Variants in FER1L5 observed in about 807,000 individuals in gnomAD.
The protein encoded by FER1L5 is fer-1 like family member 5.
In FER1L5, 187 loss-of-function variants were observed where a neutral mutation model predicts 279.9. The ratio of observed to expected loss-of-function variants is 0.67; its 90% confidence interval spans 0.59 to 0.75. The LOEUF is 0.75. Among genes scored for constraint, FER1L5 ranks in the 30% least tolerant of loss-of-function variants. The pLI is 0.00. For missense variants in FER1L5, 2,091 were observed against 2,594.4 expected, an observed-to-expected ratio of 0.81 and a Z score of 4.21; for synonymous variants, 921 against 989.7, an observed-to-expected ratio of 0.93 and a Z score of 1.30.
At position 96,663,513 on chromosome 2, in the gene FER1L5, G is replaced by A. The variant is rs2076023493; in HGVS notation, c.1140+6G>A. ...TCCTGACCTTCCGGATTCAGGTATG[G>A]CTCCTCCATCATGCCCACCCTTCTC... On this transcript the variant is annotated splice_donor_region_variant and intron_variant, in intron 14 of 52. Transcript: ENST00000624922. 1.3e-6 allele frequency: 2 copies of A among 1,551,306 alleles called. No homozygotes were observed. The highest frequency in any genetic ancestry group is 2.0e-5 in the Admixed American group (1 of 50,956).
rs11677722 is a variant in FER1L5, at chr2:96,659,627, G to C, written c.748-714G>C. Among the ~76,000 whole-genome samples the C allele has an allele frequency of 9.6e-4, 144 of 149,476 alleles. 1 individual carries two copies. The East Asian group carries it at 0.017, about 18-fold the overall frequency. On this transcript the variant is annotated intron_variant, in intron 9 of 52. Coordinates refer to ENST00000624922, the MANE Select transcript of FER1L5 (RefSeq NM_001293083.2). Reference sequence around the variant, plus strand: ...CTGCCTGAACCTCCCTAGTAGCTGAGACTACAGGGGCCCGCCACCACGCCC... The same window carrying C: ...CTGCCTGAACCTCCCTAGTAGCTGACACTACAGGGGCCCGCCACCACGCCC...
Position 96,702,154 on chromosome 2 carries a change from G to A in FER1L5, c.5159+111G>A. 1 of 1,569,018 alleles carries A rather than the reference G, an allele frequency of 6.4e-7. No homozygotes were observed. The highest frequency in any genetic ancestry group is 2.3e-5 in the East Asian group (1 of 44,240). ...CTGCAGTAATTCGTTTCTCTATTGG[G>A]AAGAGAGGAAGCTCTACTGGGAGCT... On this transcript the variant is annotated intron_variant, in intron 46 of 52. Transcript: ENST00000624922. The surrounding 1 kb of genome is among the most constrained non-coding windows in gnomAD (Gnocchi z 4.0).
intron 31 of FER1L5, among the ~76,000 whole-genome samples, chr2:96,692,383 G>A (rs1350387750): frequency 2.0e-5 from 3 of 152,194 alleles, no homozygotes; most frequent in Non-Finnish European, 4.4e-5. Flanking sequence ...CATGGATGAG[G>A]GTGACAAAGA....
chr2:96,668,634 G>A, intron 14 of FER1L5, 117 bp from the exon 15 acceptor site: 1 of 1,206,342 alleles, frequency 8.3e-7, no homozygotes. Flanking sequence ...GTGGCTCACT[G>A]GTAACTGAGC....
chr2:96,701,025 T>G (rs1240591863), intron 45 of FER1L5, among the ~76,000 whole-genome samples: 1 of 152,126 alleles, frequency 6.6e-6, no homozygotes, highest in Non-Finnish European at 1.5e-5. Flanking sequence ...AAAAAACCAT[T>G]CCCACAGGCC....
intron 51 of FER1L5, 26 bp downstream of exon 51, chr2:96,703,658 C>G (rs753025591): frequency 6.2e-7 from 1 of 1,607,712 alleles, no homozygotes; most frequent in Non-Finnish European, 8.5e-7. Flanking sequence ...GCAAAAGCAC[C>G]AGATCTTTCT....
intron 14 of FER1L5, among the ~76,000 whole-genome samples, chr2:96,667,347 CTTTTT>C (rs551114241): frequency 7.2e-6 from 1 of 139,132 alleles, no homozygotes. Flanking sequence ...ATTATTTATT[CTTTTT>C]TTTTTTTTTT....
chr2:96,669,981 T>A, intron 17 of FER1L5, 138 bp from the exon 18 acceptor site: 1 of 1,184,038 alleles, frequency 8.4e-7, no homozygotes, highest in Non-Finnish European at 1.2e-6. Flanking sequence ...CTGGAATTCT[T>A]CTCCGGGATT....
At position 96,689,876 on chromosome 2, in the gene FER1L5, G is replaced by A. The variant is rs11890388; in HGVS notation, c.2640+118G>A. On this transcript the variant is annotated intron_variant, in intron 26 of 52. Coordinates refer to ENST00000624922, the MANE Select transcript of FER1L5 (RefSeq NM_001293083.2). The surrounding 1 kb of genome is among the most constrained non-coding windows in gnomAD (Gnocchi z 4.6). ...GAGCCCTATGCCCTGCACTATGTGT[G>A]GGGCCCCGGGTGAGCGCACCAGCCC... 4,990 of 840,676 alleles carry A rather than the reference G, an allele frequency of 5.9e-3. 191 individuals carry two copies. In the African/African-American group the frequency reaches 0.076, roughly 13 times the overall value. 52.1% of individuals were successfully genotyped at this position (840,676 alleles called of 1,614,324 possible).
Position 96,669,148 on chromosome 2 carries a change from C to T in FER1L5, c.1362+11C>T. ...CAGGAAGAAGGCGCTGTAAGCTTCT[C>T]ACATCAGCTCTAGGGTACAGTGGAG... On this transcript the variant is annotated intron_variant, in intron 17 of 52. Coordinates refer to ENST00000624922, the MANE Select transcript of FER1L5 (RefSeq NM_001293083.2). 1.3e-6 allele frequency: 2 copies of T among 1,550,604 alleles called. No homozygotes were observed. The highest frequency in any genetic ancestry group is 2.7e-5 in the African/African-American group (2 of 73,148).
intron 19 of FER1L5, among the ~76,000 whole-genome samples, chr2:96,683,673 G>A (rs534533105): frequency 2.6e-5 from 4 of 152,256 alleles, no homozygotes; most frequent in South Asian, 2.1e-4. Context: ...AGTCGCCAAA[G>A]AAAAGCACAA....
rs1489658294 is a variant in FER1L5, at chr2:96,689,791, G to C, written c.2640+33G>C. 1.3e-6 allele frequency: 2 copies of C among 1,499,086 alleles called. No homozygotes were observed. The highest frequency in any genetic ancestry group is 1.8e-6 in the Non-Finnish European group (2 of 1,116,364). 92.9% of individuals were successfully genotyped at this position (1,499,086 alleles called of 1,614,324 possible). Reference sequence around the variant, plus strand: ...GGGCCGAAGCTGCCTCGGGTTAGGGGGCAAGCAAGGCCACCAGGCGGGGCG... The same window carrying C: ...GGGCCGAAGCTGCCTCGGGTTAGGGCGCAAGCAAGGCCACCAGGCGGGGCG... On this transcript the variant is annotated intron_variant, in intron 26 of 52. Transcript: ENST00000624922. This position sits in a 1 kb window ranked among gnomAD's most constrained non-coding sequence, Gnocchi z 4.6.
chr2:96,679,910 T>C (rs57412376), intron 19 of FER1L5, among the ~76,000 whole-genome samples: 1 of 152,166 alleles, frequency 6.6e-6, no homozygotes, highest in Non-Finnish European at 1.5e-5. Context: ...TCTGTTTTTG[T>C]TTTTTCTTCT....
chr2:96,699,779 G>T (rs904167665), intron 43 of FER1L5, 59 bp downstream of exon 43: 21 of 1,599,612 alleles, frequency 1.3e-5, no homozygotes, highest in Non-Finnish European at 1.8e-5. Context: ...TGAGCCTACA[G>T]CTCCCTTGGG....
chr2:96,703,773 A>T, intron 51 of FER1L5, 141 bp downstream of exon 51: 1 of 697,702 alleles, frequency 1.4e-6, no homozygotes, highest in Non-Finnish European at 2.4e-6. Flanking sequence ...AGCAAAGAAC[A>T]GACTTGGGGT....
intron 9 of FER1L5, among the ~76,000 whole-genome samples, chr2:96,656,503 G>C (rs2075605733): frequency 6.6e-6 from 1 of 152,192 alleles, no homozygotes; most frequent in African/African-American, 2.4e-5. Flanking sequence ...GGTGGCACAT[G>C]CCTGTAATCC....
chr2:96,662,202 T>C lies in FER1L5; in HGVS notation c.1019-13T>C. ...GCTGCTGGCTCAGATATCTTTTAAC[T>C]TGTTGTTCATAGAGAAACACCAGTC... On this transcript the variant is annotated splice_polypyrimidine_tract_variant and intron_variant, in intron 12 of 52. Coordinates refer to ENST00000624922, the MANE Select transcript of FER1L5 (RefSeq NM_001293083.2). 1 of 1,551,524 alleles carries C rather than the reference T, an allele frequency of 6.4e-7. No individual in the cohort carries two copies. Among genetic ancestry groups the C allele is most frequent in the Non-Finnish European group, 8.7e-7 (1 of 1,146,826 alleles).
intron 19 of FER1L5, among the ~76,000 whole-genome samples, chr2:96,679,873 G>A (rs1338384748): frequency 1.3e-5 from 2 of 151,724 alleles, no homozygotes; most frequent in Admixed American, 1.3e-4. Context: ...CTAATCTCCC[G>A]TGGACTACTT....
At chr2:96,687,986 G>T (rs911869319) in intron 24 of FER1L5, 39 bp downstream of exon 24, 3 of 1,548,586 alleles carry the variant, frequency 1.9e-6, no homozygotes, top group Non-Finnish European at 1.7e-6. Context: ...GGGCAGGCAC[G>T]CGGGGGTGGG....
Sources: allele counts gnomAD v4.1 joint callset (sites outside exome capture counted in the v4.1 genomes callset), GRCh38; gene constraint gnomAD v4.1.1; non-coding constraint Gnocchi (gnomAD v3.1); transcripts MANE v1.5; gene names NCBI Gene and HGNC (gene_info 2026-07-23, HGNC 2026-07-21).